GCN1: variants seen among roughly 807,000 people sequenced by gnomAD.
GCN1 encodes the protein GCN1 activator of EIF2AK4, also known as stalled ribosome sensor GCN1.
Under a neutral mutation model 288.4 loss-of-function variants are expected in GCN1, and 90 were observed. The observed-to-expected ratio is 0.31, with a 90% confidence interval of 0.26 to 0.37. The LOEUF is 0.37. GCN1 is among the 10% of genes least tolerant of loss of function. The pLI is 1.00. For missense variants in GCN1, 2,586 were observed against 3,419.9 expected, an observed-to-expected ratio of 0.76 and a Z score of 6.08; for synonymous variants, 1,386 against 1,420.2, an observed-to-expected ratio of 0.98 and a Z score of 0.54.
chr12:120,189,734 T>G (rs1878943876), intron 2 of GCN1, among the ~76,000 whole-genome samples: 1 of 152,082 alleles, frequency 6.6e-6, no homozygotes, highest in Non-Finnish European at 1.5e-5. Context: ...ACCCCGGCAT[T>G]TTGAGAGGCT....
chr12:120,157,794 C>T (rs2139110906), intron 26 of GCN1, 55 bp downstream of exon 26: 1 of 1,418,998 alleles, frequency 7.0e-7, no homozygotes, highest in South Asian at 1.2e-5. Context: ...TGTCCACAGG[C>T]CCTGCCTCCC....
chr12:120,164,953 A>C (rs546568655), intron 16 of GCN1, among the ~76,000 whole-genome samples: 3 of 145,920 alleles, frequency 2.1e-5, no homozygotes, highest in Admixed American at 1.4e-4. Flanking sequence ...ATATACACAC[A>C]TATACACATA....
rs530651875 is a variant in GCN1, at chr12:120,130,628, T to C, written c.7671+18A>G. 57 of 1,551,608 alleles carry C rather than the reference T, an allele frequency of 3.7e-5. No individual in the cohort carries two copies. In the South Asian group the frequency reaches 5.9e-4, roughly 16 times the overall value. On this transcript the variant is annotated intron_variant, in intron 56 of 57. Transcript: ENST00000300648. ...AGCCAGGTGTTAGGGCTTAAACACA[T>C]GCTTGGCCCCCACTCACCTTAACGA...
rs1877226294 is a variant in GCN1, at chr12:120,142,417, G to A, written c.5829+90C>T. 1.2e-6 allele frequency: 1 copy of A among 861,072 alleles called. No homozygotes were observed. The highest frequency in any genetic ancestry group is 2.4e-5 in the East Asian group (1 of 41,094). The allele number at this position is 861,072 out of a possible 1,614,324, so 53.3% of individuals were successfully genotyped here. On this transcript the variant is annotated intron_variant, in intron 44 of 57. Coordinates refer to ENST00000300648, the MANE Select transcript of GCN1 (RefSeq NM_006836.2). This position sits in a 1 kb window ranked among gnomAD's most constrained non-coding sequence, Gnocchi z 4.9. ...TCCCTCTGTTAGGCAGGGTGGATGG[G>A]TACTTTCCCAGGCTCTGCAGACCCA...
rs142578627 is a variant in GCN1 at position 120,162,439 on chromosome 12, G to T, written c.2164-381C>A. 1.8e-3 allele frequency among the ~76,000 whole-genome samples: 269 copies of T among 152,342 alleles called. 1 individual carries two copies. Among genetic ancestry groups the T allele is most frequent in the African/African-American group, 5.9e-3 (246 of 41,576 alleles). Reference sequence around the variant, plus strand: ...CGACCCCAAGCCAGTAGACATTATTGAAATATGCAAGCTATTCCCCTAGGA... The same window carrying T: ...CGACCCCAAGCCAGTAGACATTATTTAAATATGCAAGCTATTCCCCTAGGA... On this transcript the variant is annotated intron_variant, in intron 20 of 57. Coordinates refer to ENST00000300648, the MANE Select transcript of GCN1 (RefSeq NM_006836.2).
chr12:120,131,853 G>A, intron 54 of GCN1, 73 bp downstream of exon 54: 1 of 883,126 alleles, frequency 1.1e-6, no homozygotes, highest in Non-Finnish European at 1.9e-6. Context: ...AGGGAGGGAG[G>A]GAGATGCCCG....
chr12:120,164,290 C>G, intron 18 of GCN1, 46 bp downstream of exon 18: 1 of 1,561,054 alleles, frequency 6.4e-7, no homozygotes, highest in Non-Finnish European at 8.8e-7. Context: ...GCAGGGGCAG[C>G]TAAGTGGATC....
At position 120,167,420 on chromosome 12, in the gene GCN1, A is replaced by G. The variant is rs141810966; in HGVS notation, c.1612+788T>C. ...CTGATATGGACTCATTTCCAGGTCT[A>G]GAAAGCACAGTACATACGGCAGGCA... On this transcript the variant is annotated intron_variant, in intron 16 of 57. Transcript: ENST00000300648. 1.0e-3 allele frequency among the ~76,000 whole-genome samples: 159 copies of G among 152,162 alleles called. 8 individuals carry two copies. In the East Asian group the frequency reaches 0.029, roughly 28 times the overall value.
In GCN1 at chr12:120,153,868, A is replaced by C; in HGVS notation, c.3743T>G (p.Leu1248Trp). 1 of 1,614,078 alleles carries C rather than the reference A, an allele frequency of 6.2e-7. No individual in the cohort carries two copies. Among genetic ancestry groups the C allele is most frequent in the Non-Finnish European group, 8.5e-7 (1 of 1,179,934 alleles). ...GAGTGGCTTCACCTGAGAGCTGTCC[A>C]AATACTGGGAGAGCTTGTTGAGGGC... ...ALALNKLSQY[L>W]DSSQVKPLFQ... Residue 1248 changes from leucine to tryptophan, a missense_variant, in exon 32 of 58, where the codon TTG becomes TGG. Physicochemically the swap from Leu to Trp is moderately conservative, Grantham distance 61. Around this residue, in one of 8 missense-constraint regions of GCN1, gnomAD observed 332 missense variants for 403.0 expected, o/e 0.82. Transcript: ENST00000300648. The surrounding 1 kb of genome is among the most constrained non-coding windows in gnomAD (Gnocchi z 4.4).
intron 45 of GCN1, 77 bp from the exon 46 acceptor site, chr12:120,138,933 G>A (rs1877100074): frequency 2.9e-6 from 4 of 1,356,680 alleles, no homozygotes; most frequent in African/African-American, 1.4e-5. Flanking sequence ...AGCACAGGCA[G>A]GGGACTCTGA....
chr12:120,149,661 C>G lies in GCN1; in HGVS notation c.4491G>C (p.Leu1497=). 2 of 1,614,048 alleles carry G rather than the reference C, an allele frequency of 1.2e-6. No homozygotes were observed. The highest frequency in any genetic ancestry group is 1.7e-6 in the Non-Finnish European group (2 of 1,180,000). ...GGGCAGCCAGTAAGGAGGGGAGCAC[C>G]AGCTTCACCCCGTGAGCACTCAAGT... is the stretch of plus-strand genomic sequence containing the variant. ...MSNLSAHGVK[L]VLPSLLAALE... is the part of the protein sequence containing the mutation. Residue 1497 remains leucine, a synonymous_variant, in exon 36 of 58, where the codon CTG becomes CTC. Coordinates refer to ENST00000300648, the MANE Select transcript of GCN1 (RefSeq NM_006836.2).
intron 51 of GCN1, among the ~76,000 whole-genome samples, chr12:120,136,197 A>C (rs1273840411): frequency 6.6e-6 from 1 of 152,206 alleles, no homozygotes; most frequent in Non-Finnish European, 1.5e-5. Flanking sequence ...GCTGGACATA[A>C]CCTCATCTAA....
chr12:120,187,243 G>A (rs573905545), intron 2 of GCN1, among the ~76,000 whole-genome samples: 5 of 147,478 alleles, frequency 3.4e-5, no homozygotes, highest in South Asian at 4.3e-4. Context: ...ACAGAGTTTC[G>A]TTCTTGTTAC....
At chr12:120,129,622 T>C (rs976609959) in intron 56 of GCN1, 128 bp from the exon 57 acceptor site, 8 of 709,860 alleles carry the variant, frequency 1.1e-5, no homozygotes, top group African/African-American at 8.7e-5. Flanking sequence ...TGTGGGAGGG[T>C]CCCAGCATGA....
At chr12:120,151,835 G>A (rs1877563832) in intron 33 of GCN1, among the ~76,000 whole-genome samples, 1 of 152,280 alleles carries the variant, frequency 6.6e-6, no homozygotes, top group Non-Finnish European at 1.5e-5. Flanking sequence ...CAAATTGAGT[G>A]GAACCAAAAG....
At position 120,161,990 on chromosome 12, in the gene GCN1, G is replaced by A; in HGVS notation, c.2232C>T (p.Ser744=). 6.2e-7 allele frequency: 1 copy of A among 1,613,920 alleles called. No homozygotes were observed. Among genetic ancestry groups the A allele is most frequent in the Non-Finnish European group, 8.5e-7 (1 of 1,180,000 alleles). ...GGTTCTGCACGGAGGCAGTGATGGT[G>A]CTGATGAGCTGTGGGAGGACCCGGT... ...SPDRVLPQLI[S]TITASVQNPA... The change falls in exon 21 of 58, where the codon AGC becomes AGT. Residue 744 remains serine, a synonymous_variant. Coordinates refer to ENST00000300648, the MANE Select transcript of GCN1 (RefSeq NM_006836.2).
chr12:120,129,330 G>C lies in GCN1; in HGVS notation c.7836C>G (p.Ser2612Arg). 1.9e-6 allele frequency: 3 copies of C among 1,614,172 alleles called. No individual in the cohort carries two copies. Among genetic ancestry groups the C allele is most frequent in the Non-Finnish European group, 1.7e-6 (2 of 1,180,028 alleles). The change falls in exon 57 of 58, where the codon AGC becomes AGG. Residue 2612 changes from serine (S) to arginine (R), a missense_variant. Around this residue, in one of 8 missense-constraint regions of GCN1, gnomAD observed 355 missense variants for 431.1 expected, o/e 0.82. Coordinates refer to ENST00000300648, the MANE Select transcript of GCN1 (RefSeq NM_006836.2). The part of the protein sequence containing the change: ...KDKNTVVRAY[S>R]DQAIVNLLKM... ...TGAGGAGGTTGACAATTGCCTGGTC[G>C]CTGTAGGCCCTGACCACGGTGTTCT...
At chr12:120,135,859 C>A (rs1163135369) in intron 51 of GCN1, among the ~76,000 whole-genome samples, 1 of 151,554 alleles carries the variant, frequency 6.6e-6, no homozygotes, top group African/African-American at 2.4e-5. Flanking sequence ...ACTAAAAATA[C>A]AAAAAAATTA....
At chr12:120,174,634 C>A (rs527269556) in intron 12 of GCN1, among the ~76,000 whole-genome samples, 3 of 151,288 alleles carry the variant, frequency 2.0e-5, no homozygotes, top group Admixed American at 1.3e-4. Flanking sequence ...ACTAAAAATA[C>A]AAAAAAATTA....
Sources: allele counts gnomAD v4.1 joint callset (sites outside exome capture counted in the v4.1 genomes callset), GRCh38; gene constraint gnomAD v4.1.1; regional missense constraint gnomAD v4.1.1; non-coding constraint Gnocchi (gnomAD v3.1); transcripts MANE v1.5; gene names NCBI Gene and HGNC (gene_info 2026-07-23, HGNC 2026-07-21).